The following SAXO2 variants were observed in gnomAD, a reference collection of about 807,000 sequenced individuals.
SAXO2 encodes the protein stabilizer of axonemal microtubules 2.
Under a neutral mutation model 18.7 loss-of-function variants are expected in SAXO2, and 17 were observed. The observed-to-expected ratio is 0.91, with a 90% CI of 0.62 to 1.36. The LOEUF (loss-of-function observed/expected upper bound fraction) is 1.36, where lower values mean the gene tolerates loss of function less well. SAXO2 is among the 40% of genes most tolerant of loss of function. The pLI is 0.00. For missense variants in SAXO2, 486 were observed against 562.6 expected, an observed-to-expected ratio of 0.86 and a Z score of 1.38; for synonymous variants, 163 against 181.2, an observed-to-expected ratio of 0.90 and a Z score of 0.81.
intron 2 of SAXO2, among the ~76,000 whole-genome samples, chr15:82,269,834 T>C (rs1380522401): frequency 6.6e-6 from 1 of 152,010 alleles, no homozygotes; most frequent in African/African-American, 2.4e-5. Context: ...GTGGTTAGAT[T>C]TGAGGGATAT....
intron 2 of SAXO2, among the ~76,000 whole-genome samples, chr15:82,266,830 A>G (rs1267065297): frequency 2.0e-5 from 3 of 152,190 alleles, no homozygotes; most frequent in African/African-American, 7.2e-5. Flanking sequence ...TCAGCATTCT[A>G]TTTTTAGAAA....
At position 82,270,273 on chromosome 15, in the gene SAXO2, G is replaced by A. The variant is rs575340965; in HGVS notation, c.234-1330G>A. On this transcript the variant is annotated intron_variant, in intron 2 of 3. Coordinates refer to ENST00000682753, the MANE Select transcript of SAXO2 (RefSeq NM_001348699.2). ...CTAACATGTATTTAATGATGGAGTA[G>A]AGGTAGATGAAGCTACATAGGAAAC... 3.9e-5 allele frequency among the ~76,000 whole-genome samples: 6 copies of A among 152,286 alleles called. No homozygotes were observed. In the South Asian group the frequency reaches 1.2e-3, roughly 32 times the overall value.
intron 3 of SAXO2, among the ~76,000 whole-genome samples, chr15:82,279,745 C>T (rs1428991412): frequency 2.6e-5 from 4 of 152,162 alleles, no homozygotes; most frequent in African/African-American, 9.7e-5. Flanking sequence ...AGGGAGCAGT[C>T]CCAAGTACCA....
intron 3 of SAXO2, among the ~76,000 whole-genome samples, chr15:82,278,063 A>G (rs2075330834): frequency 6.6e-6 from 1 of 152,224 alleles, no homozygotes. Context: ...TCTAACCTAC[A>G]GAGCAAAAGC....
rs1428219336 is a variant in SAXO2 at position 82,264,065 on chromosome 15, TTGA to T, written c.53+1135_53+1137del. ...CTTTAAGACTTGTTTTACATATGCA[TTGA>T]TTTTTTTTTTTTTTTTTTTTTGAGA... On this transcript the variant is annotated intron_variant, in intron 1 of 3. Transcript: ENST00000682753. Among the ~76,000 whole-genome samples the T allele has an allele frequency of 1.5e-3, 196 of 134,812 alleles. 2 individuals carry two copies. The highest frequency in any genetic ancestry group is 4.0e-3 in the Middle Eastern group (1 of 250). 88.4% of individuals were successfully genotyped at this position (134,812 alleles called of 152,430 possible).
intron 3 of SAXO2, among the ~76,000 whole-genome samples, chr15:82,280,088 G>A (rs2075350233): frequency 6.6e-6 from 1 of 152,152 alleles, no homozygotes; most frequent in Admixed American, 6.5e-5. Context: ...TGATTATGAT[G>A]TTTTAAAGAT....
intron 3 of SAXO2, among the ~76,000 whole-genome samples, chr15:82,275,600 TG>T (rs1321094625): frequency 6.6e-6 from 1 of 152,222 alleles, no homozygotes; most frequent in African/African-American, 2.4e-5. Flanking sequence ...GTTTTATTCC[TG>T]GTATGCAAGG....
chr15:82,264,848 T>TTA (rs2075199421), intron 1 of SAXO2: 1 of 657,628 alleles, frequency 1.5e-6, no homozygotes, highest in East Asian at 2.7e-5. Context: ...TTGCCTCTAT[T>TTA]ATGTTCCATG....
At chr15:82,263,241 A>G (rs1485575774) in intron 1 of SAXO2, 1 of 1,477,442 alleles carries the variant, frequency 6.8e-7, no homozygotes, top group Non-Finnish European at 9.0e-7. Context: ...GAGTAGTGGG[A>G]TGTGATCCGA....
chr15:82,263,306 A>G, intron 1 of SAXO2: 1 of 1,179,154 alleles, frequency 8.5e-7, no homozygotes, highest in Non-Finnish European at 1.2e-6. Context: ...GAGAAAGAAC[A>G]GTGCTCAAGG....
intron 1 of SAXO2, 121 bp from the exon 2 acceptor site, chr15:82,265,448 T>C (rs1642079678): frequency 2.9e-6 from 2 of 693,884 alleles, no homozygotes; most frequent in Non-Finnish European, 4.0e-6. Flanking sequence ...GGCCCAGTTT[T>C]TGGTTTTTTA....
chr15:82,272,104 T>G (rs889234578), intron 3 of SAXO2: 1 of 298,136 alleles, frequency 3.4e-6, no homozygotes, highest in Non-Finnish European at 6.2e-6. Flanking sequence ...ATTTGTCACT[T>G]TGTGTCACAT....
At chr15:82,271,459 A>G in intron 2 of SAXO2, 144 bp from the exon 3 acceptor site, 1 of 659,652 alleles carries the variant, frequency 1.5e-6, no homozygotes, top group Non-Finnish European at 2.5e-6. Context: ...TCTTTCAAGT[A>G]GTTTATCAAC....
At chr15:82,266,131 G>A (rs1179366990) in intron 2 of SAXO2, among the ~76,000 whole-genome samples, 1 of 141,526 alleles carries the variant, frequency 7.1e-6, no homozygotes, top group Non-Finnish European at 1.5e-5. Flanking sequence ...CATAGCTGAT[G>A]AGCTAAACAA....
chr15:82,274,078 C>G (rs1036275668), intron 3 of SAXO2, among the ~76,000 whole-genome samples: 5 of 151,878 alleles, frequency 3.3e-5, no homozygotes, highest in African/African-American at 1.2e-4. Flanking sequence ...TCTACAAGAT[C>G]CATAAGAAAA....
At chr15:82,272,330 C>T (rs1049598328) in intron 3 of SAXO2, among the ~76,000 whole-genome samples, 3 of 152,176 alleles carry the variant, frequency 2.0e-5, no homozygotes, top group South Asian at 2.1e-4. Flanking sequence ...TGTAAGCAGA[C>T]GCTTCCTGAT....
chr15:82,273,553 T>C (rs2075290274), intron 3 of SAXO2, among the ~76,000 whole-genome samples: 1 of 150,122 alleles, frequency 6.7e-6, no homozygotes, highest in African/African-American at 2.4e-5. Context: ...TTCTGTTTTT[T>C]AAATCTTTGA....
chr15:82,282,714 C>T lies in SAXO2; in HGVS notation c.1029C>T (p.Ser343=). 1 of 1,614,124 alleles carries T rather than the reference C, an allele frequency of 6.2e-7. No homozygotes were observed. Among genetic ancestry groups the T allele is most frequent in the Non-Finnish European group, 8.5e-7 (1 of 1,180,026 alleles). ...RSNNFPFQGK[S]IMKEDFPAWE... is the part of the protein sequence containing the mutation. ...ACAATTTTCCTTTCCAAGGAAAAAG[C>T]ATCATGAAAGAAGATTTTCCAGCAT... Residue 343 remains serine, a synonymous_variant, in exon 4 of 4, where the codon AGC becomes AGT. Coordinates refer to ENST00000682753, the MANE Select transcript of SAXO2 (RefSeq NM_001348699.2).
intron 2 of SAXO2, among the ~76,000 whole-genome samples, chr15:82,268,028 C>G (rs937085161): frequency 1.3e-5 from 2 of 152,108 alleles, no homozygotes; most frequent in African/African-American, 4.8e-5. Flanking sequence ...TGTTTATAGT[C>G]TGTGGGAAAG....
Sources: allele counts gnomAD v4.1 joint callset (sites outside exome capture counted in the v4.1 genomes callset), GRCh38; gene constraint gnomAD v4.1.1; transcripts MANE v1.5; gene names NCBI Gene and HGNC (gene_info 2026-07-23, HGNC 2026-07-21).